Variants in CNBD1 observed in about 807,000 individuals in gnomAD.
The protein encoded by CNBD1 is cyclic nucleotide-binding domain-containing protein 1.
A neutral mutation model predicts 54.4 loss-of-function variants in CNBD1; 71 were observed. The observed-to-expected ratio is 1.30, with a 90% confidence interval of 1.08 to 1.59. The LOEUF (loss-of-function observed/expected upper bound fraction) is 1.59, where lower values mean the gene tolerates loss of function less well. Among genes scored for constraint, CNBD1 ranks in the 40% most tolerant of loss-of-function variants. The probability of loss-of-function intolerance (pLI) is 0.00; values close to 1 mark genes in which losing one functional copy is unlikely to be tolerated. For missense variants in CNBD1, 659 were observed against 518.0 expected (o/e 1.27, Z -2.64); for synonymous variants, 182 against 170.7 (o/e 1.07, Z -0.51).
chr8:86,962,678 CGA>C (rs935382134), intron 4 of CNBD1, among the ~76,000 whole-genome samples: 4 of 151,774 alleles, frequency 2.6e-5, no homozygotes, highest in African/African-American at 9.7e-5. Flanking sequence ...CCCAGCTATT[CGA>C]GAGGCTGAGG....
At chr8:86,876,922 T>C (rs1430809912) in intron 1 of CNBD1, among the ~76,000 whole-genome samples, 1 of 152,038 alleles carries the variant, frequency 6.6e-6, no homozygotes, top group African/African-American at 2.4e-5. Flanking sequence ...CAATTTTTGC[T>C]TTATGAATTT....
rs548685545 is a variant in CNBD1 at position 87,382,640 on chromosome 8, C to A, written c.*13C>A. On this transcript the variant is annotated 3_prime_UTR_variant, in exon 11 of 11. Coordinates refer to ENST00000518476, the MANE Select transcript of CNBD1 (RefSeq NM_173538.3). ...TGCAGTGGCCTAGATCTAGAAACAA[C>A]CTCAGTGAACATTAATTAAGAAAGT... 2.4e-5 allele frequency: 36 copies of A among 1,523,442 alleles called. 1 individual carries two copies. In the South Asian group the frequency reaches 4.1e-4, roughly 17 times the overall value. The allele number at this position is 1,523,442 out of a possible 1,614,324, so 94.4% of individuals were successfully genotyped here. A position where few individuals can be genotyped will look rare whatever the true frequency, so the allele number is the denominator to read the frequency against.
rs1332211957 is a variant in CNBD1, at chr8:87,078,531, T to C, written c.432-127462T>C. Among the ~76,000 whole-genome samples, 3 of 152,156 alleles carry C rather than the reference T, an allele frequency of 2.0e-5. No homozygotes were observed. In the East Asian group the frequency reaches 5.8e-4, roughly 29 times the overall value. The stretch of plus-strand genomic sequence containing the variant: ...TCTCCTCTACAAAAATAAACATTAT[T>C]TGTTTGAGGGGAATCATTGCATTTG... On this transcript the variant is annotated intron_variant, in intron 4 of 10. Transcript: ENST00000518476.
chr8:87,303,439 G>C (rs966740068), intron 8 of CNBD1, among the ~76,000 whole-genome samples: 3 of 151,744 alleles, frequency 2.0e-5, no homozygotes, highest in African/African-American at 7.3e-5. Flanking sequence ...GCCATATGTA[G>C]AAAGCTGAAA....
chr8:87,284,936 G>A (rs1808664142), intron 7 of CNBD1, 121 bp downstream of exon 7: 1 of 724,176 alleles, frequency 1.4e-6, no homozygotes, highest in Non-Finnish European at 2.1e-6. Context: ...TTAACCTAGA[G>A]ACCATAAAAA....
chr8:86,935,734 T>G (rs968523355), intron 3 of CNBD1, among the ~76,000 whole-genome samples: 3 of 152,198 alleles, frequency 2.0e-5, no homozygotes, highest in African/African-American at 7.2e-5. Flanking sequence ...CTAACAATTT[T>G]TATCCTTTAT....
intron 10 of CNBD1, among the ~76,000 whole-genome samples, chr8:87,373,649 A>T (rs1810865707): frequency 6.6e-6 from 1 of 151,834 alleles, no homozygotes; most frequent in Non-Finnish European, 1.5e-5. Flanking sequence ...AGATGAAAGA[A>T]AATTACAATA....
intron 4 of CNBD1, among the ~76,000 whole-genome samples, chr8:87,192,175 AC>A (rs1813625505): frequency 6.6e-6 from 1 of 152,174 alleles, no homozygotes; most frequent in African/African-American, 2.4e-5. Context: ...GACATAGACA[AC>A]TAATTCATAA....
chr8:87,373,535 A>C (rs1177559666), intron 10 of CNBD1, among the ~76,000 whole-genome samples: 2 of 151,852 alleles, frequency 1.3e-5, no homozygotes, highest in Non-Finnish European at 2.9e-5. Flanking sequence ...CTTAAATGTA[A>C]CTTGTTTTTC....
chr8:87,035,356 G>T (rs981982787), intron 4 of CNBD1, among the ~76,000 whole-genome samples: 1 of 152,096 alleles, frequency 6.6e-6, no homozygotes, highest in Non-Finnish European at 1.5e-5. Flanking sequence ...TTCAACATTA[G>T]ATTGGATATT....
chr8:87,168,263 G>A (rs757230126), intron 4 of CNBD1, among the ~76,000 whole-genome samples: 12 of 151,872 alleles, frequency 7.9e-5, no homozygotes, highest in Non-Finnish European at 1.2e-4. Context: ...GTATGATTGC[G>A]TATCTATTTA....
chr8:87,025,419 A>G (rs962211519), intron 4 of CNBD1, among the ~76,000 whole-genome samples: 2 of 152,210 alleles, frequency 1.3e-5, no homozygotes, highest in Non-Finnish European at 2.9e-5. Flanking sequence ...CTCTCTGCGA[A>G]GGTCTGTGGC....
intron 4 of CNBD1, among the ~76,000 whole-genome samples, chr8:87,116,169 T>C (rs1811763377): frequency 6.6e-6 from 1 of 151,110 alleles, no homozygotes; most frequent in Non-Finnish European, 1.5e-5. Flanking sequence ...TCTATATTCC[T>C]TTGCTATTTT....
chr8:87,374,341 T>C (rs1027383732), intron 10 of CNBD1, among the ~76,000 whole-genome samples: 1 of 151,804 alleles, frequency 6.6e-6, no homozygotes, highest in Non-Finnish European at 1.5e-5. Flanking sequence ...TGTAATAAAA[T>C]AAAATGTGTT....
At chr8:86,884,526 G>A (rs1350645150) in intron 1 of CNBD1, among the ~76,000 whole-genome samples, 1 of 151,992 alleles carries the variant, frequency 6.6e-6, no homozygotes, top group Non-Finnish European at 1.5e-5. Context: ...ATTAACATAG[G>A]TATGTTTAGT....
chr8:87,296,999 C>A (rs1309391220), intron 8 of CNBD1, among the ~76,000 whole-genome samples: 6 of 151,416 alleles, frequency 4.0e-5, no homozygotes, highest in Admixed American at 6.6e-5. Context: ...CATGGTGAAA[C>A]CCCTTCTCTA....
intron 4 of CNBD1, among the ~76,000 whole-genome samples, chr8:86,950,830 C>G (rs1488347291): frequency 6.6e-6 from 1 of 152,060 alleles, no homozygotes; most frequent in Non-Finnish European, 1.5e-5. Context: ...TATTATTGAT[C>G]TGTTCAGTTT....
intron 4 of CNBD1, among the ~76,000 whole-genome samples, chr8:87,040,309 T>A (rs1004889240): frequency 3.9e-5 from 6 of 152,212 alleles, no homozygotes; most frequent in African/African-American, 7.2e-5. Flanking sequence ...AAGATGGAGT[T>A]GGTTAGGTCA....
At chr8:87,169,853 T>G (rs1198969891) in intron 4 of CNBD1, among the ~76,000 whole-genome samples, 1 of 152,138 alleles carries the variant, frequency 6.6e-6, no homozygotes, top group East Asian at 1.9e-4. Context: ...TCTTCCAGTT[T>G]TGTTCTTTTT....
Sources: allele counts gnomAD v4.1 joint callset (sites outside exome capture counted in the v4.1 genomes callset), GRCh38; gene constraint gnomAD v4.1.1; transcripts MANE v1.5; gene names NCBI Gene and HGNC (gene_info 2026-07-23, HGNC 2026-07-21).